KIF14: variants seen among roughly 807,000 people sequenced by gnomAD.
KIF14 encodes the protein kinesin-like protein KIF14.
Under a neutral mutation model 176.2 loss-of-function variants are expected in KIF14, and 98 were observed. The observed-to-expected ratio is 0.56, with a 90% CI of 0.47 to 0.66. KIF14 has a LOEUF of 0.66. KIF14 is among the 30% of genes least tolerant of loss of function. KIF14 has a pLI of 0.00. For missense variants in KIF14, 1,751 were observed against 1,920.4 expected (o/e 0.91, Z 1.65); for synonymous variants, 566 against 632.2 (o/e 0.90, Z 1.57).
chr1:200,589,108 C>T, intron 18 of KIF14, 109 bp downstream of exon 18: 1 of 830,976 alleles, frequency 1.2e-6, no homozygotes, highest in Non-Finnish European at 1.9e-6. Flanking sequence ...TACACATCTA[C>T]AAACCTGGAT....
Position 200,554,610 on chromosome 1 carries a change from TATAA to T in KIF14, c.4429-8_4429-5del, listed in dbSNP as rs767853468. 3 of 1,411,670 alleles carry T rather than the reference TATAA, an allele frequency of 2.1e-6. No individual in the cohort carries two copies. The highest frequency in any genetic ancestry group is 2.5e-5 in the South Asian group (2 of 80,264). The allele number at this position is 1,411,670 out of a possible 1,614,324, so 87.4% of individuals were successfully genotyped here. On this transcript the variant is annotated splice_polypyrimidine_tract_variant and splice_region_variant and intron_variant, in intron 28 of 29. Coordinates refer to ENST00000367350, the MANE Select transcript of KIF14 (RefSeq NM_014875.3). Reference sequence around the variant, plus strand: ...GTACTTGCCTTCTGAAACTTTTCTGTATAAATAAAGTTAATATTTAAAATAATAC... The same window carrying T: ...GTACTTGCCTTCTGAAACTTTTCTGTATAAAGTTAATATTTAAAATAATAC...
chr1:200,608,742 T>C (rs1660010572), intron 5 of KIF14, 88 bp downstream of exon 5: 1 of 734,356 alleles, frequency 1.4e-6, no homozygotes, highest in African/African-American at 1.8e-5. Context: ...AGTAAAACTT[T>C]AAGCTATACC....
chr1:200,589,075 A>T, intron 18 of KIF14, 142 bp downstream of exon 18: 1 of 615,516 alleles, frequency 1.6e-6, no homozygotes. Context: ...ATAAGCTTTC[A>T]GGCAAGAAGT....
chr1:200,584,635 CTT>C (rs1055747715), intron 19 of KIF14, among the ~76,000 whole-genome samples: 7 of 152,080 alleles, frequency 4.6e-5, no homozygotes, highest in African/African-American at 1.7e-4. Flanking sequence ...TGCAAAAAAC[CTT>C]TGACAAACTA....
At chr1:200,577,337 A>G (rs1470674258) in intron 21 of KIF14, among the ~76,000 whole-genome samples, 1 of 151,696 alleles carries the variant, frequency 6.6e-6, no homozygotes, top group Non-Finnish European at 1.5e-5. Context: ...AAACAAACAA[A>G]TAAGCAAACA....
chr1:200,598,028 G>C (rs1003673673), intron 14 of KIF14, among the ~76,000 whole-genome samples: 1 of 152,002 alleles, frequency 6.6e-6, no homozygotes, highest in African/African-American at 2.4e-5. Flanking sequence ...AACAAAAACA[G>C]AGAGAGCATT....
chr1:200,559,482 A>G, intron 26 of KIF14, 30 bp from the exon 27 acceptor site: 1 of 1,393,412 alleles, frequency 7.2e-7, no homozygotes, highest in Middle Eastern at 1.9e-4. Context: ...ATTAACTAGA[A>G]AATTTAGGTT....
Position 200,618,622 on chromosome 1 carries a change from G to T in KIF14, c.102C>A (p.Ser34Arg), listed in dbSNP as rs761507534. Residue 34 changes from serine to arginine, a missense_variant, in exon 2 of 30, where the codon AGC becomes AGA. Transcript: ENST00000367350. ...SSSLNALTHS[S>R]RLKLHLKSDM... ...CCGACTTCAAATGCAGCTTAAGTCGGCTACTGTGGGTGAGGGCATTCAGTG... is the reference window on the plus strand; with the variant it reads ...CCGACTTCAAATGCAGCTTAAGTCGTCTACTGTGGGTGAGGGCATTCAGTG... 7 of 1,614,020 alleles carry T rather than the reference G, an allele frequency of 4.3e-6. No homozygotes were observed. The highest frequency in any genetic ancestry group is 1.6e-4 in the Middle Eastern group (1 of 6,062).
intron 22 of KIF14, among the ~76,000 whole-genome samples, chr1:200,573,245 T>G (rs1487987195): frequency 6.6e-6 from 1 of 152,108 alleles, no homozygotes. Flanking sequence ...AAAGTAGGTA[T>G]ATATTACTGT....
chr1:200,553,580 T>C lies in KIF14; in HGVS notation c.4755A>G (p.Glu1585=), dbSNP rs1313763633. 1 of 1,614,104 alleles carries C rather than the reference T, an allele frequency of 6.2e-7. No homozygotes were observed. The highest frequency in any genetic ancestry group is 1.1e-5 in the South Asian group (1 of 91,088). The change falls in exon 30 of 30, where the codon GAA becomes GAG. Residue 1585 remains glutamate (E), a synonymous_variant. Coordinates refer to ENST00000367350, the MANE Select transcript of KIF14 (RefSeq NM_014875.3). ...AGGGTTTCAACAAATCAGGGCTTTC[T>C]TCAGATTCAAAACAAAAGAGGAGAG... ...AKSLLFCFES[E]ESPDLLKPWE...
chr1:200,596,881 T>C (rs1398003837), intron 14 of KIF14, among the ~76,000 whole-genome samples: 3 of 137,656 alleles, frequency 2.2e-5, no homozygotes, highest in Non-Finnish European at 4.6e-5. Context: ...TCTATCTCTC[T>C]CTCTCTCTTT....
chr1:200,620,370 T>C (rs1180763307), intron 1 of KIF14, 41 bp downstream of exon 1: 4 of 152,232 alleles, frequency 2.6e-5, no homozygotes, highest in Non-Finnish European at 5.9e-5. Context: ...ATTCTGTTCT[T>C]TCTCTGCTAG....
chr1:200,586,061 T>C (rs746187144), intron 19 of KIF14, 40 bp downstream of exon 19: 4 of 1,379,102 alleles, frequency 2.9e-6, no homozygotes, highest in Non-Finnish European at 2.9e-6. Context: ...ATAACATGCA[T>C]AATTTTAGAA....
intron 19 of KIF14, among the ~76,000 whole-genome samples, chr1:200,583,931 A>G (rs1292301749): frequency 6.6e-6 from 1 of 150,814 alleles, no homozygotes; most frequent in Admixed American, 6.6e-5. Flanking sequence ...AACAACAACA[A>G]AAAGACTTTA....
chr1:200,609,725 A>G (rs1157520730), intron 4 of KIF14, among the ~76,000 whole-genome samples: 1 of 152,272 alleles, frequency 6.6e-6, no homozygotes, highest in Admixed American at 6.5e-5. Context: ...ACAGGTATTC[A>G]AACAAAAACA....
intron 25 of KIF14, among the ~76,000 whole-genome samples, chr1:200,564,404 G>A (rs1191999643): frequency 1.3e-5 from 2 of 152,196 alleles, no homozygotes; most frequent in African/African-American, 4.8e-5. Context: ...TGGGACCAAT[G>A]GGAGGAGCCT....
intron 3 of KIF14, 58 bp downstream of exon 3, chr1:200,615,297 C>G: frequency 6.6e-7 from 1 of 1,514,012 alleles, no homozygotes; most frequent in Non-Finnish European, 9.0e-7. Flanking sequence ...CCCTATGCCA[C>G]TTCTCACAAA....
chr1:200,608,367 C>CT (rs200778779), intron 5 of KIF14, among the ~76,000 whole-genome samples: 65,504 of 141,024 alleles, frequency 0.46, 15,406 homozygotes, highest in East Asian at 0.62. Context: ...CGCTTCTTTT[C>CT]TTTTTTTTTT....
At chr1:200,568,859 G>C (rs1053047795) in intron 23 of KIF14, among the ~76,000 whole-genome samples, 2 of 151,032 alleles carry the variant, frequency 1.3e-5, no homozygotes, top group African/African-American at 4.9e-5. Flanking sequence ...CCAGGTTATT[G>C]TGTGAATCAG....
Sources: gnomAD v4.1 joint callset for allele counts (sites outside exome capture counted in the v4.1 genomes callset) on GRCh38, gnomAD v4.1.1 for gene constraint, MANE v1.5 for transcripts, NCBI Gene and HGNC (gene_info 2026-07-23, HGNC 2026-07-21) for gene names.